Variants in RBL2 observed in about 807,000 individuals in gnomAD.
The protein encoded by RBL2 is retinoblastoma-like protein 2.
RBL2 carries 56 observed loss-of-function variants against 126.0 expected under a neutral mutation model. The observed-to-expected ratio is 0.44, with a 90% CI of 0.36 to 0.56. The LOEUF is 0.56. Ranked by LOEUF, RBL2 falls within the 20% of genes least tolerant of loss-of-function variation. The pLI is 0.00. For missense variants in RBL2, 1,229 were observed against 1,398.2 expected, an observed-to-expected ratio of 0.88 and a Z score of 1.93; for synonymous variants, 454 against 478.5, an observed-to-expected ratio of 0.95 and a Z score of 0.67.
Position 53,434,492 on chromosome 16 carries a change from C to T in RBL2, c.-65C>T. On this transcript the variant is annotated 5_prime_UTR_variant, in exon 1 of 22. Transcript: ENST00000262133. ...GGGCGGCGGACGGGCGGGCGCTTCG[C>T]CGTTTGAATGGCTGCGGGCCCGGGC... is the stretch of plus-strand genomic sequence containing the variant. 5.3e-6 allele frequency: 7 copies of T among 1,322,888 alleles called. No homozygotes were observed. Among genetic ancestry groups the T allele is most frequent in the Non-Finnish European group, 6.7e-6 (7 of 1,039,008 alleles). The allele number at this position is 1,322,888 out of a possible 1,614,324, so 81.9% of individuals were successfully genotyped here. A position where few individuals can be genotyped will look rare whatever the true frequency, so the allele number is the denominator to read the frequency against.
At chr16:53,467,890 A>G (rs1012658896) in intron 14 of RBL2, among the ~76,000 whole-genome samples, 1 of 152,230 alleles carries the variant, frequency 6.6e-6, no homozygotes, top group African/African-American at 2.4e-5. Flanking sequence ...ATAGAGCTGC[A>G]TGATCCAGTT....
rs1034313932 is a variant in RBL2 at position 53,434,635 on chromosome 16, G to A, written c.79G>A (p.Asp27Asn). ...GGCAGCCTCGGATGAGGAGGAGGAG[G>A]ACGACGGCGAGGCGGAAGACGCCGC... is the stretch of plus-strand genomic sequence containing the variant. ...AAAASDEEEE[D>N]DGEAEDAAPP... Residue 27 changes from aspartate (D) to asparagine (N), a missense_variant, in exon 1 of 22, where the codon GAC (aspartate) becomes AAC (asparagine). Asp to Asn is a conservative substitution (Grantham distance 23). Around this residue, in one of 2 missense-constraint regions of RBL2, gnomAD observed 159 missense variants for 123.9 expected, o/e 1.28. Transcript: ENST00000262133. 7 of 1,563,578 alleles carry A rather than the reference G, an allele frequency of 4.5e-6. No homozygotes were observed. Among genetic ancestry groups the A allele is most frequent in the East Asian group, 4.7e-5 (2 of 42,872 alleles).
In RBL2 at chr16:53,439,155, GT is replaced by G; in HGVS notation, c.371+11del. On this transcript the variant is annotated intron_variant, in intron 2 of 21. Transcript: ENST00000262133. ...AAATGTTCAGAGCAGAGGTAACTATGTTAGAGTTTGACAAGTAGAGTATGGC... is the reference window on the plus strand; with the variant it reads ...AAATGTTCAGAGCAGAGGTAACTATGTAGAGTTTGACAAGTAGAGTATGGC... 1.3e-6 allele frequency: 2 copies of G among 1,574,104 alleles called. No homozygotes were observed. Among genetic ancestry groups the G allele is most frequent in the Admixed American group, 1.9e-5 (1 of 52,576 alleles).
At chr16:53,481,956 A>T in intron 21 of RBL2, 121 bp downstream of exon 21, 2 of 1,153,222 alleles carry the variant, frequency 1.7e-6, no homozygotes, top group Non-Finnish European at 2.5e-6. Flanking sequence ...AGCAGTGATC[A>T]GTCAGTCCTC....
chr16:53,477,669 C>T (rs539601925), intron 17 of RBL2, among the ~76,000 whole-genome samples: 216 of 152,188 alleles, frequency 1.4e-3, no homozygotes, highest in Non-Finnish European at 2.4e-3. Context: ...TTATTCATTC[C>T]TGTGTATGTG....
chr16:53,455,828 A>G (rs2058161921), intron 8 of RBL2, among the ~76,000 whole-genome samples: 1 of 152,154 alleles, frequency 6.6e-6, no homozygotes, highest in African/African-American at 2.4e-5. Context: ...TTGGAGGAAC[A>G]GTGAGAATGC....
intron 3 of RBL2, among the ~76,000 whole-genome samples, chr16:53,445,234 G>A (rs575670408): frequency 4.4e-4 from 67 of 152,018 alleles, no homozygotes; most frequent in African/African-American, 1.5e-3. Flanking sequence ...GGCTGAGGTG[G>A]GGGGATCACT....
In RBL2 at chr16:53,434,587, C is replaced by T; in HGVS notation, c.31C>T (p.Pro11Ser). The T allele has an allele frequency of 1.3e-6, 2 of 1,540,272 alleles. No homozygotes were observed. The highest frequency in any genetic ancestry group is 1.2e-5 in the South Asian group (1 of 83,812). Residue 11 changes from proline to serine, a missense_variant, in exon 1 of 22, where the codon CCC becomes TCC. By Grantham distance (74) the Pro-to-Ser change is moderately conservative. This residue lies in a region of RBL2 where 159 missense variants were observed against 123.9 expected (regional missense o/e 1.28). Coordinates refer to ENST00000262133, the MANE Select transcript of RBL2 (RefSeq NM_005611.4). Reference sequence around the variant, plus strand: ...GTCGGGAGGTGACCAGTCGCCACCGCCCCCGCCTCCCCCTCCGGCGGCGGC... The same window carrying T: ...GTCGGGAGGTGACCAGTCGCCACCGTCCCCGCCTCCCCCTCCGGCGGCGGC... MPSGGDQSPPPPPPPPAAAAS... is the reference protein window; with the variant it reads MPSGGDQSPPSPPPPPAAAAS...
At chr16:53,462,526 GGT>G in intron 10 of RBL2, 24 bp from the exon 11 acceptor site, 3 of 1,337,380 alleles carry the variant, frequency 2.2e-6, no homozygotes, top group East Asian at 2.5e-5. Flanking sequence ...ATTTTTGTGG[GGT>G]TTTTTTTTTT....
At chr16:53,482,415 G>C (rs1036501902) in intron 21 of RBL2, among the ~76,000 whole-genome samples, 2 of 152,206 alleles carry the variant, frequency 1.3e-5, no homozygotes. Context: ...CAGTGTCCTT[G>C]AGGCAGACAG....
Position 53,462,889 on chromosome 16 carries a change from G to A in RBL2, c.1560+234G>A, listed in dbSNP as rs111712564. Among the ~76,000 whole-genome samples the A allele has an allele frequency of 4.8e-3, 730 of 152,312 alleles. 7 individuals carry two copies. The highest frequency in any genetic ancestry group is 0.016 in the African/African-American group (681 of 41,564). ...GGAGTCTTGCGCTGTCGCCAAGGCTGGAGTGTAGTGGCACGATCTCGGCTC... is the reference window on the plus strand; with the variant it reads ...GGAGTCTTGCGCTGTCGCCAAGGCTAGAGTGTAGTGGCACGATCTCGGCTC... On this transcript the variant is annotated intron_variant, in intron 11 of 21. Coordinates refer to ENST00000262133, the MANE Select transcript of RBL2 (RefSeq NM_005611.4).
chr16:53,489,571 ATAAT>A (rs1961318277), intron 21 of RBL2: 2 of 152,324 alleles, frequency 1.3e-5, no homozygotes, highest in African/African-American at 4.8e-5. Context: ...TGTCCAGAAA[ATAAT>A]TTGAGTAACT....
chr16:53,474,210 C>G (rs567337930), intron 17 of RBL2, among the ~76,000 whole-genome samples: 2 of 152,128 alleles, frequency 1.3e-5, no homozygotes, highest in Admixed American at 6.6e-5. Context: ...AGGCTGGTCT[C>G]GAACTCCTAA....
At chr16:53,487,967 C>A (rs574195117) in intron 21 of RBL2, 39 of 152,326 alleles carry the variant, frequency 2.6e-4, no homozygotes, top group African/African-American at 7.0e-4. Flanking sequence ...TTACATATTG[C>A]TGGTGTGAAC....
At chr16:53,443,314 G>A (rs1295960224) in intron 3 of RBL2, 1 of 152,382 alleles carries the variant, frequency 6.6e-6, no homozygotes, top group Non-Finnish European at 1.5e-5. Context: ...TTTAGTATAT[G>A]TGCTGCCGAA....
chr16:53,471,028 T>C, intron 17 of RBL2, 106 bp downstream of exon 17: 1 of 1,210,448 alleles, frequency 8.3e-7, no homozygotes, highest in Non-Finnish European at 1.1e-6. Context: ...AATTCACCTA[T>C]TTAAAATGCA....
At chr16:53,437,200 A>G (rs557152210) in intron 1 of RBL2, among the ~76,000 whole-genome samples, 2 of 152,270 alleles carry the variant, frequency 1.3e-5, no homozygotes, top group South Asian at 2.1e-4. Context: ...AGATATTGAT[A>G]TAGTAGAGAA....
intron 9 of RBL2, among the ~76,000 whole-genome samples, chr16:53,460,713 C>T (rs2058211603): frequency 6.6e-6 from 1 of 151,998 alleles, no homozygotes; most frequent in Non-Finnish European, 1.5e-5. Flanking sequence ...TGTGTGTGTT[C>T]CCAGAAAAAT....
intron 17 of RBL2, among the ~76,000 whole-genome samples, chr16:53,475,687 T>G (rs1960700402): frequency 1.3e-5 from 2 of 152,030 alleles, no homozygotes; most frequent in Admixed American, 1.3e-4. Context: ...ACTTGAGGCT[T>G]ACTTTTTGCC....
Sources: allele counts gnomAD v4.1 joint callset (sites outside exome capture counted in the v4.1 genomes callset), GRCh38; gene constraint gnomAD v4.1.1; regional missense constraint gnomAD v4.1.1; transcripts MANE v1.5; gene names NCBI Gene and HGNC (gene_info 2026-07-23, HGNC 2026-07-21).